The following FAM83B variants were observed in gnomAD, a reference collection of about 807,000 sequenced individuals.
FAM83B encodes the protein protein FAM83B.
In FAM83B, 26 loss-of-function variants were observed where a neutral mutation model predicts 38.8. The observed-to-expected ratio is 0.67, with a 90% confidence interval of 0.49 to 0.93. FAM83B has a LOEUF of 0.93. Among genes scored for constraint, FAM83B ranks in the 40% least tolerant of loss-of-function variants. FAM83B has a pLI of 0.00. For missense variants in FAM83B, 1,237 were observed against 1,197.3 expected (o/e 1.03, Z -0.49); for synonymous variants, 419 against 423.1 (o/e 0.99, Z 0.12).
At chr6:54,935,948 T>G (rs1172414562) in intron 4 of FAM83B, among the ~76,000 whole-genome samples, 3 of 151,442 alleles carry the variant, frequency 2.0e-5, no homozygotes, top group African/African-American at 7.3e-5. Flanking sequence ...GAAGGAGGAG[T>G]GCTAGATGAC....
intron 2 of FAM83B, among the ~76,000 whole-genome samples, chr6:54,922,528 G>A (rs1007876244): frequency 2.0e-5 from 3 of 151,886 alleles, no homozygotes; most frequent in Admixed American, 2.0e-4. Flanking sequence ...TTGACATTAT[G>A]AAAAGTATTC....
At chr6:54,923,690 T>C (rs1357030512) in intron 2 of FAM83B, among the ~76,000 whole-genome samples, 2 of 152,136 alleles carry the variant, frequency 1.3e-5, no homozygotes, top group East Asian at 3.9e-4. Context: ...GTTGAAGACC[T>C]TGCTTCCCAC....
At chr6:54,935,556 C>T (rs1773508460) in intron 4 of FAM83B, among the ~76,000 whole-genome samples, 1 of 152,012 alleles carries the variant, frequency 6.6e-6, no homozygotes, top group Non-Finnish European at 1.5e-5. Flanking sequence ...GAAGAGCTAT[C>T]CATAGTAAAA....
At chr6:54,848,084 GT>G (rs1307484870) in intron 1 of FAM83B, among the ~76,000 whole-genome samples, 13 of 77,026 alleles carry the variant, frequency 1.7e-4, no homozygotes, top group Admixed American at 1.5e-3. Flanking sequence ...GAAAACTGGG[GT>G]TTTTTGTTTT....
At chr6:54,920,047 G>C (rs1773136204) in intron 2 of FAM83B, among the ~76,000 whole-genome samples, 1 of 151,798 alleles carries the variant, frequency 6.6e-6, no homozygotes, top group South Asian at 2.1e-4. Flanking sequence ...ATGTAAAGCT[G>C]TAAGTTACTA....
In FAM83B at chr6:54,934,810, C is replaced by A. The variant is rs565655758; in HGVS notation, c.735-4896C>A. ...ACTTTCAATCAATCTTCCTGTTTCT[C>A]TATTTTCATGACCTTTCTAACCCAC... On this transcript the variant is annotated intron_variant, in intron 4 of 4. Transcript: ENST00000306858. Among the ~76,000 whole-genome samples the A allele has an allele frequency of 8.3e-4, 126 of 152,210 alleles. 3 individuals are homozygous for A. The South Asian group carries it at 0.025, about 31-fold the overall frequency.
At chr6:54,880,781 T>C (rs2127577763) in intron 2 of FAM83B, among the ~76,000 whole-genome samples, 1 of 152,224 alleles carries the variant, frequency 6.6e-6, no homozygotes, top group East Asian at 1.9e-4. Context: ...ATACATTCCT[T>C]ATAGTCAATA....
At chr6:54,849,182 A>G (rs1181629298) in intron 1 of FAM83B, among the ~76,000 whole-genome samples, 2 of 152,236 alleles carry the variant, frequency 1.3e-5, no homozygotes, top group Admixed American at 1.3e-4. Flanking sequence ...AAAAAGTTGT[A>G]CAAATAGCAC....
chr6:54,860,213 G>A lies in FAM83B; in HGVS notation c.-60-9974G>A, dbSNP rs1014179879. ...ACTAGAGGCAGCTTTTAACAATCTTGTTTTGTTTTTGCATTTGAATAGTGG... is the reference window on the plus strand; with the variant it reads ...ACTAGAGGCAGCTTTTAACAATCTTATTTTGTTTTTGCATTTGAATAGTGG... On this transcript the variant is annotated intron_variant, in intron 1 of 4. Coordinates refer to ENST00000306858, the MANE Select transcript of FAM83B (RefSeq NM_001010872.3). Among the ~76,000 whole-genome samples the A allele has an allele frequency of 9.2e-5, 14 of 152,060 alleles. 1 individual carries two copies. Among genetic ancestry groups the A allele is most frequent in the African/African-American group, 3.1e-4 (13 of 41,398 alleles).
At position 54,925,739 on chromosome 6, in the gene FAM83B, C is replaced by T. The variant is rs550890194; in HGVS notation, c.445-632C>T. Among the ~76,000 whole-genome samples the T allele has an allele frequency of 2.0e-5, 3 of 152,000 alleles. No homozygotes were observed. The South Asian group carries it at 6.2e-4, about 32-fold the overall frequency. On this transcript the variant is annotated intron_variant, in intron 2 of 4. Coordinates refer to ENST00000306858, the MANE Select transcript of FAM83B (RefSeq NM_001010872.3). Reference sequence around the variant, plus strand: ...TGTGAAACTCACATATATGGAGGTCCTGCTTTCCATATACGTGGGTTCTTC... The same window carrying T: ...TGTGAAACTCACATATATGGAGGTCTTGCTTTCCATATACGTGGGTTCTTC...
In FAM83B at chr6:54,943,893, T is replaced by A. The variant is rs1773753961; in HGVS notation, c.*1886T>A. 6.6e-6 allele frequency: 1 copy of A among 152,152 alleles called. No homozygotes were observed. The highest frequency in any genetic ancestry group is 2.1e-4 in the South Asian group (1 of 4,828). The allele number at this position is 152,152 out of a possible 1,614,324, so 9.4% of individuals were successfully genotyped here. Reference sequence around the variant, plus strand: ...AGCCTGTTGCCTTTTTGTACAGAAATCTCCTTAATTTCAGGACATGTAGAT... The same window carrying A: ...AGCCTGTTGCCTTTTTGTACAGAAAACTCCTTAATTTCAGGACATGTAGAT... On this transcript the variant is annotated 3_prime_UTR_variant, in exon 5 of 5. Coordinates refer to ENST00000306858, the MANE Select transcript of FAM83B (RefSeq NM_001010872.3).
chr6:54,886,524 A>G (rs1772278882), intron 2 of FAM83B, among the ~76,000 whole-genome samples: 1 of 151,722 alleles, frequency 6.6e-6, no homozygotes. Flanking sequence ...TTTAAGTTAT[A>G]TTTTTTACAG....
chr6:54,869,622 C>T lies in FAM83B; in HGVS notation c.-60-565C>T, dbSNP rs111988774. Among the ~76,000 whole-genome samples, 579 of 152,140 alleles carry T rather than the reference C, an allele frequency of 3.8e-3. 4 individuals are homozygous for T. Among genetic ancestry groups the T allele is most frequent in the African/African-American group, 0.012 (517 of 41,492 alleles). On this transcript the variant is annotated intron_variant, in intron 1 of 4. Coordinates refer to ENST00000306858, the MANE Select transcript of FAM83B (RefSeq NM_001010872.3). ...CTGATCAGATTCTTACTCATTGCTC[C>T]GGGTCCAGCCGAAGCCCACCTCTTG...
At chr6:54,931,549 T>C (rs1404915270) in intron 4 of FAM83B, among the ~76,000 whole-genome samples, 1 of 152,172 alleles carries the variant, frequency 6.6e-6, no homozygotes, top group Non-Finnish European at 1.5e-5. Flanking sequence ...CATAATATTC[T>C]TCTTTATCTC....
chr6:54,857,805 A>T (rs149159834), intron 1 of FAM83B, among the ~76,000 whole-genome samples: 6 of 152,320 alleles, frequency 3.9e-5, no homozygotes, highest in Non-Finnish European at 8.8e-5. Flanking sequence ...TACAACGATT[A>T]AGTATGGCAG....
intron 2 of FAM83B, 94 bp from the exon 3 acceptor site, chr6:54,926,277 T>C: frequency 1.4e-6 from 1 of 710,498 alleles, no homozygotes; most frequent in Non-Finnish European, 2.2e-6. Context: ...ATTTAATTTT[T>C]AAAATTTTAT....
intron 2 of FAM83B, among the ~76,000 whole-genome samples, chr6:54,910,941 A>G (rs1242357200): frequency 6.6e-6 from 1 of 152,172 alleles, no homozygotes; most frequent in Non-Finnish European, 1.5e-5. Flanking sequence ...ATAATGATAA[A>G]CATGCAACAT....
chr6:54,905,679 G>T (rs891455929), intron 2 of FAM83B, among the ~76,000 whole-genome samples: 3 of 152,068 alleles, frequency 2.0e-5, no homozygotes, highest in Admixed American at 2.0e-4. Context: ...AAAAAGTTTA[G>T]AAAGGTTATG....
At position 54,870,238 on chromosome 6, in the gene FAM83B, CT is replaced by C. The variant is rs1771812216; in HGVS notation, c.-7del. ...CATTTGAAAGTGCCATAGCCAAACA[CT>C]TGCAAGCATGGAGACCTCATCAATG... On this transcript the variant is annotated 5_prime_UTR_variant, in exon 2 of 5. Transcript: ENST00000306858. 6.2e-7 allele frequency: 1 copy of C among 1,605,072 alleles called. No homozygotes were observed. The highest frequency in any genetic ancestry group is 8.5e-7 in the Non-Finnish European group (1 of 1,172,994).
Sources: gnomAD v4.1 joint callset for allele counts (sites outside exome capture counted in the v4.1 genomes callset) on GRCh38, gnomAD v4.1.1 for gene constraint, MANE v1.5 for transcripts, NCBI Gene and HGNC (gene_info 2026-07-23, HGNC 2026-07-21) for gene names.